Variants in FHIP1A observed in about 807,000 individuals in gnomAD.
The protein encoded by FHIP1A is FHF complex subunit HOOK interacting protein 1A, also known as FHF complex subunit HOOK-interacting protein 1A.
Under a neutral mutation model 88.6 loss-of-function variants are expected in FHIP1A, and 61 were observed. That is an observed-to-expected ratio of 0.69 (90% CI 0.56 to 0.85). The LOEUF (loss-of-function observed/expected upper bound fraction) is 0.85. FHIP1A is among the 40% of genes least tolerant of loss of function. The pLI is 0.00. For missense variants in FHIP1A, 1,154 were observed against 1,273.5 expected, an observed-to-expected ratio of 0.91 and a Z score of 1.43; for synonymous variants, 478 against 496.0, an observed-to-expected ratio of 0.96 and a Z score of 0.48.
chr4:151,424,044 C>T (rs1443573619), intron 1 of FHIP1A, among the ~76,000 whole-genome samples: 1 of 152,218 alleles, frequency 6.6e-6, no homozygotes, highest in African/African-American at 2.4e-5. Flanking sequence ...GGGAACTCCA[C>T]ACCACCTACA....
chr4:151,515,895 G>A lies in FHIP1A; in HGVS notation c.-123+33247G>A, dbSNP rs1440653948. ...CTGCCCAAGGTAATTTATAGATTCAGTGCCATCCCCATCAAGCTACCAATG... is the reference window on the plus strand; with the variant it reads ...CTGCCCAAGGTAATTTATAGATTCAATGCCATCCCCATCAAGCTACCAATG... On this transcript the variant is annotated intron_variant, in intron 3 of 13. Transcript: ENST00000435205. Among the ~76,000 whole-genome samples, 62 of 152,166 alleles carry A rather than the reference G, an allele frequency of 4.1e-4. No individual in the cohort carries two copies. The East Asian group carries it at 9.1e-3, about 22-fold the overall frequency.
intron 3 of FHIP1A, among the ~76,000 whole-genome samples, chr4:151,561,357 T>A (rs183462275): frequency 6.6e-6 from 1 of 152,194 alleles, no homozygotes; most frequent in Admixed American, 6.5e-5. Context: ...GGCTATTAGA[T>A]GCTTGCTTTA....
intron 3 of FHIP1A, among the ~76,000 whole-genome samples, chr4:151,497,924 A>G (rs896842726): frequency 2.0e-5 from 3 of 152,186 alleles, no homozygotes; most frequent in African/African-American, 7.2e-5. Flanking sequence ...ATTTGATATC[A>G]GATCAAATTC....
intron 3 of FHIP1A, among the ~76,000 whole-genome samples, chr4:151,528,971 CTGGT>C (rs1365541441): frequency 6.6e-6 from 1 of 152,200 alleles, no homozygotes; most frequent in African/African-American, 2.4e-5. Context: ...CACCTGCCCT[CTGGT>C]TGCTTCCTCT....
rs1398949918 is a variant in FHIP1A, at chr4:151,420,182, G to A, written c.-356+10717G>A. Among the ~76,000 whole-genome samples the A allele has an allele frequency of 6.6e-3, 198 of 30,060 alleles. 34 individuals are homozygous for A. Among genetic ancestry groups the A allele is most frequent in the African/African-American group, 0.026 (178 of 6,722 alleles). 19.7% of individuals were successfully genotyped at this position (30,060 alleles called of 152,430 possible). Reference sequence around the variant, plus strand: ...AATCGCCACACTGACTTCCACAATGGTTGAACTAGTTTACAGTCCCACCAA... The same window carrying A: ...AATCGCCACACTGACTTCCACAATGATTGAACTAGTTTACAGTCCCACCAA... On this transcript the variant is annotated intron_variant, in intron 1 of 13. Transcript: ENST00000435205.
intron 1 of FHIP1A, among the ~76,000 whole-genome samples, chr4:151,431,949 G>C (rs892632129): frequency 2.6e-5 from 4 of 152,198 alleles, no homozygotes; most frequent in African/African-American, 9.7e-5. Context: ...ACCAGTGACA[G>C]AGCTGGGTTC....
At chr4:151,559,700 A>G (rs1386633890) in intron 3 of FHIP1A, among the ~76,000 whole-genome samples, 3 of 152,164 alleles carry the variant, frequency 2.0e-5, no homozygotes, top group South Asian at 2.1e-4. Context: ...GGTCTTTTCA[A>G]TCATTTACCA....
chr4:151,552,065 C>A (rs915853025), intron 3 of FHIP1A, among the ~76,000 whole-genome samples: 1 of 152,158 alleles, frequency 6.6e-6, no homozygotes, highest in Non-Finnish European at 1.5e-5. Flanking sequence ...AGCCAAAAAA[C>A]AAATGAAAAA....
At chr4:151,419,569 T>C (rs2126517745) in intron 1 of FHIP1A, among the ~76,000 whole-genome samples, 1 of 16,584 alleles carries the variant, frequency 6.0e-5, no homozygotes, top group African/African-American at 6.8e-4. Context: ...TTCCTCATTC[T>C]TTTTTTTTTT....
intron 2 of FHIP1A, among the ~76,000 whole-genome samples, chr4:151,479,235 C>T (rs1729813974): frequency 6.6e-6 from 1 of 152,050 alleles, no homozygotes. Context: ...TGGCTTCTAC[C>T]TCTGTCTTCA....
At chr4:151,433,833 A>G (rs1733692480) in intron 1 of FHIP1A, among the ~76,000 whole-genome samples, 1 of 152,146 alleles carries the variant, frequency 6.6e-6, no homozygotes, top group South Asian at 2.1e-4. Flanking sequence ...CTCTTGAAAA[A>G]TTGCATGCCT....
intron 1 of FHIP1A, among the ~76,000 whole-genome samples, chr4:151,424,197 G>A (rs776811814): frequency 1.8e-4 from 27 of 152,172 alleles, no homozygotes; most frequent in Non-Finnish European, 3.2e-4. Flanking sequence ...CCCCGGAATG[G>A]TTCTGGTTGG....
intron 4 of FHIP1A, among the ~76,000 whole-genome samples, chr4:151,568,079 C>T (rs1471337160): frequency 1.3e-5 from 2 of 152,164 alleles, no homozygotes; most frequent in Non-Finnish European, 2.9e-5. Flanking sequence ...CAGATTCTGT[C>T]CCAGGCAGGC....
At chr4:151,635,375 A>G (rs1736311021) in intron 8 of FHIP1A, among the ~76,000 whole-genome samples, 1 of 151,934 alleles carries the variant, frequency 6.6e-6, no homozygotes, top group South Asian at 2.1e-4. Flanking sequence ...ACTTCTGGGT[A>G]TATATCTAAA....
chr4:151,532,070 T>C (rs1731897638), intron 3 of FHIP1A, among the ~76,000 whole-genome samples: 1 of 152,220 alleles, frequency 6.6e-6, no homozygotes, highest in Admixed American at 6.5e-5. Context: ...GCTATTTGAT[T>C]ATTTTTTTAA....
intron 4 of FHIP1A, among the ~76,000 whole-genome samples, chr4:151,568,581 T>C (rs1243653021): frequency 2.6e-5 from 4 of 152,198 alleles, no homozygotes; most frequent in African/African-American, 9.6e-5. Context: ...ACTCCAGGCA[T>C]GTCGCTGTAG....
At chr4:151,578,310 C>T (rs1057104056) in intron 5 of FHIP1A, among the ~76,000 whole-genome samples, 6 of 152,050 alleles carry the variant, frequency 3.9e-5, no homozygotes, top group African/African-American at 1.4e-4. Context: ...GATGTGTTAC[C>T]ATTTTTGGTT....
At chr4:151,443,134 GT>G (rs1728469319) in intron 1 of FHIP1A, among the ~76,000 whole-genome samples, 1 of 151,976 alleles carries the variant, frequency 6.6e-6, no homozygotes, top group Non-Finnish European at 1.5e-5. Context: ...AATTAGTCAG[GT>G]GTGGTGGAGC....
In FHIP1A at chr4:151,629,718, T is replaced by C. The variant is rs556785754; in HGVS notation, c.995T>C (p.Val332Ala). 1 of 1,550,976 alleles carries C rather than the reference T, an allele frequency of 6.4e-7. No homozygotes were observed. Among genetic ancestry groups the C allele is most frequent in the East Asian group, 2.4e-5 (1 of 40,892 alleles). The part of the protein sequence containing the change: ...PALHKVTVEE[V>A]MTTTAYLDLF... ...TTGTCCTAGGTGACTGTGGAAGAGG[T>C]CATGACCACAACTGCATATCTGGAC... Residue 332 changes from valine to alanine, a missense_variant, in exon 8 of 14, where the codon GTC (valine) becomes GCC (alanine). By Grantham distance (64) the Val-to-Ala change is moderately conservative (BLOSUM62 0). Coordinates refer to ENST00000435205, the MANE Select transcript of FHIP1A (RefSeq NM_001109977.3).
Sources: allele counts gnomAD v4.1 joint callset (sites outside exome capture counted in the v4.1 genomes callset), GRCh38; gene constraint gnomAD v4.1.1; transcripts MANE v1.5; gene names NCBI Gene and HGNC (gene_info 2026-07-23, HGNC 2026-07-21).